Variants in NBAS observed in about 807,000 individuals in gnomAD.
NBAS encodes NAG/BC035112 fusion.
Under a neutral mutation model 302.5 loss-of-function variants are expected in NBAS, and 219 were observed. That is an observed-to-expected ratio of 0.72 (90% CI 0.65 to 0.81). NBAS has a LOEUF of 0.81. Ranked by LOEUF, NBAS falls within the 30% of genes least tolerant of loss-of-function variation. The pLI is 0.00. For synonymous variants in NBAS, 1,118 were observed against 1,021.6 expected, an observed-to-expected ratio of 1.09 and a Z score of -1.80; for missense variants, 2,932 against 2,841.6, an observed-to-expected ratio of 1.03 and a Z score of -0.72.
Position 15,504,049 on chromosome 2 carries a change from T to C in NBAS, c.954+96A>G, listed in dbSNP as rs181716478. ...GTATATGAATACACTCAGATGAAGATACAAAAAATTCGAGGTTCATTCAGC... is the reference window on the plus strand; with the variant it reads ...GTATATGAATACACTCAGATGAAGACACAAAAAATTCGAGGTTCATTCAGC... On this transcript the variant is annotated intron_variant, in intron 11 of 51. Transcript: ENST00000281513. The C allele has an allele frequency of 1.1e-4, 100 of 915,740 alleles. 1 individual carries two copies. The Admixed American group carries it at 1.4e-3, about 13-fold the overall frequency. 56.7% of individuals were successfully genotyped at this position (915,740 alleles called of 1,614,324 possible).
chr2:15,478,282 T>C lies in NBAS; in HGVS notation c.1091A>G (p.Tyr364Cys), dbSNP rs534890707. 1.5e-4 allele frequency: 241 copies of C among 1,610,252 alleles called. No individual in the cohort carries two copies. The highest frequency in any genetic ancestry group is 1.9e-4 in the South Asian group (17 of 90,988). ...CCTCCAATCAGGATTAAGGTCATCATAGCCTGGCTAAATATGAAAATAATG... is the reference window on the plus strand; with the variant it reads ...CCTCCAATCAGGATTAAGGTCATCACAGCCTGGCTAAATATGAAAATAATG... ...GEWGQNEQPG[Y>C]DDLNPDWRLS... Residue 364 changes from tyrosine to cysteine, a missense_variant, in exon 13 of 52, where the codon TAT becomes TGT. Transcript: ENST00000281513.
chr2:14,785,428 C>G, the NBAS span, among the ~76,000 whole-genome samples: 1 of 152,102 alleles, frequency 6.6e-6, no homozygotes, highest in Non-Finnish European at 1.5e-5. Flanking sequence ...CCAGTTTTTG[C>G]CCATTCAGTA....
At position 15,427,727 on chromosome 2, in the gene NBAS, C is replaced by T. The variant is rs781408707; in HGVS notation, c.2407G>A (p.Glu803Lys). 1.6e-5 allele frequency: 25 copies of T among 1,612,662 alleles called. No homozygotes were observed. The South Asian group carries it at 2.4e-4, about 16-fold the overall frequency. Residue 803 changes from glutamate to lysine, a missense_variant, in exon 22 of 52, where the codon GAG (glutamate) becomes AAG (lysine). Physicochemically the swap from Glu to Lys is moderately conservative, Grantham distance 56. Coordinates refer to ENST00000281513, the MANE Select transcript of NBAS (RefSeq NM_015909.4). ...EHKHRAKDWC[E>K]ELACRMVVEP... is the part of the protein sequence containing the mutation. ...CATACTGACCTGCAAGCCAACTCCT[C>T]GCACCAATCTTTAGCTCGGTGTTTA...
the NBAS span, among the ~76,000 whole-genome samples, chr2:14,828,682 G>A: frequency 2.0e-5 from 3 of 152,172 alleles, no homozygotes; most frequent in African/African-American, 7.2e-5. Flanking sequence ...GGACCAAGTA[G>A]GACATGATGG....
chr2:15,445,063 T>C (rs1407291973), intron 21 of NBAS, among the ~76,000 whole-genome samples: 1 of 151,656 alleles, frequency 6.6e-6, no homozygotes, highest in African/African-American at 2.4e-5. Context: ...GGTGGGACTG[T>C]AAACTAGTTC....
the NBAS span, among the ~76,000 whole-genome samples, chr2:14,956,332 G>A: frequency 3.2e-4 from 49 of 152,196 alleles, no homozygotes; most frequent in African/African-American, 1.2e-3. Context: ...AGCCCTCCAA[G>A]TCTCAAGGAA....
At chr2:14,810,803 A>T in the NBAS span, among the ~76,000 whole-genome samples, 1 of 152,368 alleles carries the variant, frequency 6.6e-6, no homozygotes, top group South Asian at 2.1e-4. Flanking sequence ...AACATCTATT[A>T]GCAATTTAAC....
In NBAS at chr2:15,447,064, G is replaced by A. The variant is rs575512315; in HGVS notation, c.2339+14137C>T. On this transcript the variant is annotated intron_variant, in intron 21 of 51. Coordinates refer to ENST00000281513, the MANE Select transcript of NBAS (RefSeq NM_015909.4). Reference sequence around the variant, plus strand: ...ACCAAAAACGGGACAAGTAGTAAACGAATACCAAATGCCAACACACGGGAC... The same window carrying A: ...ACCAAAAACGGGACAAGTAGTAAACAAATACCAAATGCCAACACACGGGAC... Among the ~76,000 whole-genome samples the A allele has an allele frequency of 2.4e-4, 37 of 152,144 alleles. No homozygotes were observed. In the South Asian group the frequency reaches 6.7e-3, roughly 27 times the overall value.
the NBAS span, among the ~76,000 whole-genome samples, chr2:14,823,776 C>T: frequency 6.6e-6 from 1 of 152,128 alleles, no homozygotes; most frequent in Non-Finnish European, 1.5e-5. Context: ...AGCTTAGTTA[C>T]CATATCAACC....
the NBAS span, among the ~76,000 whole-genome samples, chr2:15,009,466 C>T: frequency 6.6e-6 from 1 of 151,572 alleles, no homozygotes; most frequent in East Asian, 1.9e-4. Flanking sequence ...ATTTTCAGAG[C>T]CCAAAATGAA....
intron 29 of NBAS, 102 bp from the exon 30 acceptor site, chr2:15,379,933 C>A: frequency 9.2e-7 from 1 of 1,084,338 alleles, no homozygotes; most frequent in Non-Finnish European, 1.4e-6. Context: ...AAAAACACAT[C>A]CACCCTAGAG....
At chr2:14,896,254 T>A in the NBAS span, among the ~76,000 whole-genome samples, 4 of 151,986 alleles carry the variant, frequency 2.6e-5, no homozygotes, top group Non-Finnish European at 5.9e-5. Context: ...CTCAAAATAT[T>A]AGAGGCCTTT....
chr2:15,450,651 T>G (rs1678962243), intron 21 of NBAS, among the ~76,000 whole-genome samples: 2 of 152,204 alleles, frequency 1.3e-5, no homozygotes, highest in Non-Finnish European at 2.9e-5. Context: ...AATTCCTTTA[T>G]ATGGAACACA....
At chr2:15,295,669 C>G (rs928613397) in intron 40 of NBAS, among the ~76,000 whole-genome samples, 1 of 152,058 alleles carries the variant, frequency 6.6e-6, no homozygotes, top group Non-Finnish European at 1.5e-5. Context: ...TTTGCATTGC[C>G]TTCTCTTAAA....
intron 42 of NBAS, among the ~76,000 whole-genome samples, chr2:15,277,476 A>T (rs527789334): frequency 1.3e-5 from 2 of 152,322 alleles, no homozygotes; most frequent in South Asian, 4.1e-4. Context: ...TTAAAAATCT[A>T]TACTTCTTCA....
At chr2:15,172,895 G>C (rs1215149172) in intron 51 of NBAS, among the ~76,000 whole-genome samples, 1 of 152,196 alleles carries the variant, frequency 6.6e-6, no homozygotes, top group Non-Finnish European at 1.5e-5. Context: ...CTAAACAACT[G>C]TGTGACCTTG....
intron 7 of NBAS, among the ~76,000 whole-genome samples, chr2:15,536,757 G>A (rs993808628): frequency 6.6e-6 from 1 of 152,078 alleles, no homozygotes; most frequent in African/African-American, 2.4e-5. Flanking sequence ...CTCAGACCCA[G>A]GCTGAAACCA....
chr2:14,909,366 T>TAAAAAAAAAAAAA, the NBAS span, among the ~76,000 whole-genome samples: 451 of 78,478 alleles, frequency 5.7e-3, 47 homozygotes, highest in African/African-American at 0.022. Flanking sequence ...GGAGAGTTTC[T>TAAAAAAAAAAAAA]AAAAAAAAAA....
chr2:14,883,467 G>A, the NBAS span, among the ~76,000 whole-genome samples: 2 of 152,242 alleles, frequency 1.3e-5, no homozygotes, highest in East Asian at 1.9e-4. Flanking sequence ...TACTTAGGTC[G>A]AAGGAGCTCT....
Sources: allele counts gnomAD v4.1 joint callset (sites outside exome capture counted in the v4.1 genomes callset), GRCh38; gene constraint gnomAD v4.1.1; transcripts MANE v1.5; gene names NCBI Gene and HGNC (gene_info 2026-07-23, HGNC 2026-07-21).